Variants in CNBD1 observed in about 807,000 individuals in gnomAD.
CNBD1 encodes the protein cyclic nucleotide-binding domain-containing protein 1.
A neutral mutation model predicts 54.4 loss-of-function variants in CNBD1; 71 were observed. The ratio of observed to expected loss-of-function variants is 1.30; its 90% CI spans 1.08 to 1.59. The LOEUF is 1.59. CNBD1 is among the 40% of genes most tolerant of loss of function. The probability of loss-of-function intolerance (pLI) is 0.00; values close to 1 mark genes in which losing one functional copy is unlikely to be tolerated. For synonymous variants in CNBD1, 182 were observed against 170.7 expected (o/e 1.07, Z -0.51); for missense variants, 659 against 518.0 (o/e 1.27, Z -2.64).
At chr8:87,317,352 A>G (rs976741508) in intron 8 of CNBD1, among the ~76,000 whole-genome samples, 2 of 151,748 alleles carry the variant, frequency 1.3e-5, no homozygotes, top group South Asian at 4.2e-4. Context: ...CTTTTGATGT[A>G]TACACACATT....
rs575881486 is a variant in CNBD1, at chr8:87,013,963, A to G, written c.431+74209A>G. Among the ~76,000 whole-genome samples, 183 of 151,908 alleles carry G rather than the reference A, an allele frequency of 1.2e-3. 1 individual carries two copies. The highest frequency in any genetic ancestry group is 4.3e-3 in the African/African-American group (178 of 41,504). ...GATGCAACATATTATCAAAAATATA[A>G]AAGTCTAAAATAAAAAAAAAAGGAA... On this transcript the variant is annotated intron_variant, in intron 4 of 10. Transcript: ENST00000518476.
intron 10 of CNBD1, among the ~76,000 whole-genome samples, chr8:87,365,981 A>T (rs1221409082): frequency 1.3e-5 from 2 of 152,024 alleles, no homozygotes; most frequent in African/African-American, 2.4e-5. Context: ...AATGTCCTAT[A>T]AATCATTTTT....
intron 2 of CNBD1, among the ~76,000 whole-genome samples, chr8:87,423,507 G>T (rs1341994385): frequency 6.6e-6 from 1 of 151,478 alleles, no homozygotes; most frequent in African/African-American, 2.4e-5. Flanking sequence ...TTTTGTCAAA[G>T]GCCTTTTCTG....
intron 4 of CNBD1, among the ~76,000 whole-genome samples, chr8:87,160,261 ATATGT>A (rs1458985469): frequency 3.9e-5 from 6 of 151,990 alleles, no homozygotes; most frequent in Admixed American, 3.9e-4. Context: ...TTTTTCTGAA[ATATGT>A]TATAAAATAT....
chr8:87,050,431 A>G (rs1200739623), intron 4 of CNBD1, among the ~76,000 whole-genome samples: 1 of 152,214 alleles, frequency 6.6e-6, no homozygotes, highest in South Asian at 2.1e-4. Context: ...GATGAGGTAC[A>G]GTGGAGAATA....
intron 8 of CNBD1, among the ~76,000 whole-genome samples, chr8:87,337,491 C>A (rs1272525754): frequency 6.6e-6 from 1 of 152,218 alleles, no homozygotes. Context: ...CTGCAGGCAG[C>A]TTCAGCAGTG....
intron 4 of CNBD1, among the ~76,000 whole-genome samples, chr8:87,064,689 G>T: frequency 6.6e-6 from 1 of 151,622 alleles, no homozygotes. Context: ...GTTTTTGTTT[G>T]TCTGAAAATG....
chr8:87,213,170 A>G (rs939155788), intron 5 of CNBD1, among the ~76,000 whole-genome samples: 6 of 152,210 alleles, frequency 3.9e-5, no homozygotes, highest in Non-Finnish European at 7.3e-5. Flanking sequence ...ATCCCCACTA[A>G]CATGATTAAA....
At chr8:87,076,422 A>G (rs146057866) in intron 4 of CNBD1, among the ~76,000 whole-genome samples, 164 of 152,208 alleles carry the variant, frequency 1.1e-3, no homozygotes, top group Middle Eastern at 3.4e-3. Flanking sequence ...CCTAATTGCA[A>G]TAAAATATTA....
At chr8:86,974,420 T>G (rs2130496530) in intron 4 of CNBD1, among the ~76,000 whole-genome samples, 1 of 146,366 alleles carries the variant, frequency 6.8e-6, no homozygotes, top group Admixed American at 6.7e-5. Flanking sequence ...ATGTATGTAG[T>G]TGCATATGTG....
chr8:87,194,758 G>A (rs1563503178), intron 4 of CNBD1, among the ~76,000 whole-genome samples: 1 of 152,012 alleles, frequency 6.6e-6, no homozygotes, highest in Admixed American at 6.5e-5. Context: ...TATCCTGAGG[G>A]ACTGGAGTTA....
intron 3 of CNBD1, among the ~76,000 whole-genome samples, chr8:86,907,111 G>A (rs1809029264): frequency 2.0e-5 from 3 of 152,240 alleles, no homozygotes; most frequent in South Asian, 4.1e-4. Context: ...CTCTTTGCTG[G>A]GTTGGTTTCA....
At chr8:87,368,433 G>A (rs967196885) in intron 10 of CNBD1, among the ~76,000 whole-genome samples, 1 of 151,836 alleles carries the variant, frequency 6.6e-6, no homozygotes, top group Non-Finnish European at 1.5e-5. Context: ...GCCAGGAGAT[G>A]GAGACTAGAC....
At chr8:87,250,996 CAAAG>C in intron 6 of CNBD1, among the ~76,000 whole-genome samples, 2 of 148,642 alleles carry the variant, frequency 1.3e-5, no homozygotes. Context: ...GTTCCTAACA[CAAAG>C]AAACAATAAA....
intron 2 of CNBD1, among the ~76,000 whole-genome samples, chr8:87,409,847 AC>A (rs1409535881): frequency 6.6e-6 from 1 of 151,872 alleles, no homozygotes; most frequent in Admixed American, 6.6e-5. Flanking sequence ...ACACAGTGAA[AC>A]CCCATCTCTA....
At chr8:87,181,554 A>G (rs1465988799) in intron 4 of CNBD1, among the ~76,000 whole-genome samples, 3 of 152,310 alleles carry the variant, frequency 2.0e-5, no homozygotes, top group Non-Finnish European at 4.4e-5. Context: ...ATAGTCTGTA[A>G]AGCTGTCACC....
At chr8:87,406,484 T>TACACACACAC (rs1282579063) in intron 2 of CNBD1, among the ~76,000 whole-genome samples, 1 of 146,948 alleles carries the variant, frequency 6.8e-6, no homozygotes, top group African/African-American at 2.6e-5. Flanking sequence ...ACACACTTTT[T>TACACACACAC]TTTTTTTTTT....
At chr8:87,417,086 A>T (rs1485099742) in intron 2 of CNBD1, among the ~76,000 whole-genome samples, 1 of 152,064 alleles carries the variant, frequency 6.6e-6, no homozygotes, top group Non-Finnish European at 1.5e-5. Flanking sequence ...CATGCGTTTA[A>T]GAAAGACATA....
intron 4 of CNBD1, among the ~76,000 whole-genome samples, chr8:87,049,334 C>A (rs1284776395): frequency 6.6e-6 from 1 of 152,118 alleles, no homozygotes; most frequent in Non-Finnish European, 1.5e-5. Context: ...GGTGTCTTTC[C>A]TTCCAGATAT....
Sources: gnomAD v4.1 joint callset for allele counts (sites outside exome capture counted in the v4.1 genomes callset) on GRCh38, gnomAD v4.1.1 for gene constraint, MANE v1.5 for transcripts, NCBI Gene and HGNC (gene_info 2026-07-23, HGNC 2026-07-21) for gene names.